Variants in IQCB1 observed in about 807,000 individuals in gnomAD.
IQCB1 encodes IQ motif containing B1.
A neutral mutation model predicts 84.4 loss-of-function variants in IQCB1; 56 were observed. That is an observed-to-expected ratio of 0.66 (90% CI 0.54 to 0.83). IQCB1 has a LOEUF of 0.83. Ranked by LOEUF, IQCB1 falls within the 40% of genes least tolerant of loss-of-function variation. IQCB1 has a pLI of 0.00. For synonymous variants in IQCB1, 210 were observed against 234.8 expected, an observed-to-expected ratio of 0.89 and a Z score of 0.96; for missense variants, 629 against 682.1, an observed-to-expected ratio of 0.92 and a Z score of 0.87.
intron 5 of IQCB1, among the ~76,000 whole-genome samples, chr3:121,820,657 T>C (rs1950238425): frequency 6.6e-6 from 1 of 152,210 alleles, no homozygotes; most frequent in Non-Finnish European, 1.5e-5. Flanking sequence ...GGCTTATCAC[T>C]TCTCTTAAAC....
At chr3:121,780,936 A>G (rs1295359146) in intron 13 of IQCB1, among the ~76,000 whole-genome samples, 1 of 152,174 alleles carries the variant, frequency 6.6e-6, no homozygotes, top group Admixed American at 6.5e-5. Context: ...CACAATCACA[A>G]CAAAACTCGT....
intron 12 of IQCB1, among the ~76,000 whole-genome samples, chr3:121,786,563 T>C (rs1426391512): frequency 6.6e-6 from 1 of 152,104 alleles, no homozygotes; most frequent in African/African-American, 2.4e-5. Context: ...TTTGACTTCA[T>C]CTTATTTTTA....
chr3:121,779,546 TATA>T (rs1229401835), intron 13 of IQCB1, among the ~76,000 whole-genome samples: 4 of 152,158 alleles, frequency 2.6e-5, no homozygotes, highest in Non-Finnish European at 4.4e-5. Flanking sequence ...AAAATACAGT[TATA>T]ATGACTGTTT....
chr3:121,795,230 T>C (rs916960636), intron 10 of IQCB1, among the ~76,000 whole-genome samples: 12 of 152,062 alleles, frequency 7.9e-5, no homozygotes, highest in Non-Finnish European at 1.5e-4. Context: ...AAATATCTTA[T>C]TAAGTGGATA....
chr3:121,778,032 C>G (rs952523259), intron 13 of IQCB1, among the ~76,000 whole-genome samples: 1 of 151,962 alleles, frequency 6.6e-6, no homozygotes, highest in Admixed American at 6.6e-5. Flanking sequence ...CTCAGTCTCC[C>G]AAGTAGCTGG....
At chr3:121,818,480 A>G (rs1030568510) in intron 5 of IQCB1, among the ~76,000 whole-genome samples, 3 of 152,226 alleles carry the variant, frequency 2.0e-5, no homozygotes, top group Non-Finnish European at 2.9e-5. Flanking sequence ...AAAAGAAGAG[A>G]GAAGCATGTA....
intron 2 of IQCB1, among the ~76,000 whole-genome samples, chr3:121,829,963 T>C (rs1241920771): frequency 1.3e-5 from 2 of 152,090 alleles, no homozygotes; most frequent in African/African-American, 2.4e-5. Flanking sequence ...TCCCAGCACT[T>C]TGGGAGGCCA....
chr3:121,771,262 G>A (rs942512223), intron 14 of IQCB1, among the ~76,000 whole-genome samples: 3 of 151,444 alleles, frequency 2.0e-5, no homozygotes, highest in Non-Finnish European at 4.4e-5. Flanking sequence ...GTGAGCCACC[G>A]TGCCCGGCCA....
At chr3:121,825,992 CAG>C in intron 5 of IQCB1, 57 bp downstream of exon 5, 1 of 1,456,524 alleles carries the variant, frequency 6.9e-7, no homozygotes, top group Non-Finnish European at 9.6e-7. Flanking sequence ...TAAAAAATAA[CAG>C]AACAGCTTCT....
rs1473595330 is a variant in IQCB1 at position 121,799,974 on chromosome 3, C to T, written c.588-600G>A. On this transcript the variant is annotated intron_variant, in intron 7 of 14. Coordinates refer to ENST00000310864, the MANE Select transcript of IQCB1 (RefSeq NM_001023570.4). ...TTAAGGAGTTATGTGATTTTCTAGG[C>T]GTATGTACCTCTGTTTAATTTTCTA... 4.6e-5 allele frequency among the ~76,000 whole-genome samples: 7 copies of T among 151,744 alleles called. No homozygotes were observed. The East Asian group carries it at 7.7e-4, about 17-fold the overall frequency.
chr3:121,807,796 G>C (rs1949665014), intron 6 of IQCB1, among the ~76,000 whole-genome samples: 1 of 151,848 alleles, frequency 6.6e-6, no homozygotes, highest in Admixed American at 6.6e-5. Flanking sequence ...CAGAATATAA[G>C]GAAACGGAAA....
intron 2 of IQCB1, chr3:121,834,170 A>G (rs1239681874): frequency 6.6e-6 from 1 of 152,240 alleles, no homozygotes; most frequent in Non-Finnish European, 1.5e-5. Flanking sequence ...TGAAGGAGAC[A>G]TAACCACCTA....
At chr3:121,833,495 A>C (rs1446692934) in intron 2 of IQCB1, among the ~76,000 whole-genome samples, 1 of 152,188 alleles carries the variant, frequency 6.6e-6, no homozygotes, top group Non-Finnish European at 1.5e-5. Flanking sequence ...CCGTAATAAA[A>C]CATCACTAAA....
chr3:121,814,562 T>TA (rs1949973426), intron 5 of IQCB1, among the ~76,000 whole-genome samples: 1 of 151,762 alleles, frequency 6.6e-6, no homozygotes, highest in South Asian at 2.1e-4. Context: ...ATAGACACAA[T>TA]AAAAAATGAT....
At chr3:121,807,619 C>T (rs1219237722) in intron 6 of IQCB1, among the ~76,000 whole-genome samples, 176 bp from the exon 7 acceptor site, 1 of 151,746 alleles carries the variant, frequency 6.6e-6, no homozygotes, top group African/African-American at 2.4e-5. Context: ...TTTTAAATAG[C>T]GATAAATAAG....
At chr3:121,774,703 A>T (rs11717742) in intron 13 of IQCB1, among the ~76,000 whole-genome samples, 1 of 152,176 alleles carries the variant, frequency 6.6e-6, no homozygotes, top group Non-Finnish European at 1.5e-5. Context: ...ATTCATGGAG[A>T]CAGAAAGTAG....
chr3:121,798,672 T>A (rs1246427475), intron 8 of IQCB1, among the ~76,000 whole-genome samples: 1 of 151,974 alleles, frequency 6.6e-6, no homozygotes, highest in South Asian at 2.1e-4. Flanking sequence ...AAAGCTATTA[T>A]ATGAGAATGT....
At position 121,828,976 on chromosome 3, in the gene IQCB1, T is replaced by A. The variant is rs760242984; in HGVS notation, c.-12-4A>T. Reference sequence around the variant, plus strand: ...TTGGCTTCATTTCTCTTATTACCTATATTTTAACAGAATCAGAGAATAAAG... The same window carrying A: ...TTGGCTTCATTTCTCTTATTACCTAAATTTTAACAGAATCAGAGAATAAAG... On this transcript the variant is annotated splice_region_variant and splice_polypyrimidine_tract_variant and intron_variant, in intron 2 of 14. Transcript: ENST00000310864. 1.0e-5 allele frequency: 15 copies of A among 1,473,934 alleles called. No individual in the cohort carries two copies. The African/African-American group carries it at 1.9e-4, about 19-fold the overall frequency. 91.3% of individuals were successfully genotyped at this position (1,473,934 alleles called of 1,614,324 possible). A position where few individuals can be genotyped will look rare whatever the true frequency, so the allele number is the denominator to read the frequency against.
At chr3:121,822,559 C>T (rs116405920) in intron 5 of IQCB1, among the ~76,000 whole-genome samples, 1 of 152,280 alleles carries the variant, frequency 6.6e-6, no homozygotes, top group Non-Finnish European at 1.5e-5. Context: ...GAAGAATCTA[C>T]AGCTGAAAGG....
Sources: gnomAD v4.1 joint callset for allele counts (sites outside exome capture counted in the v4.1 genomes callset) on GRCh38, gnomAD v4.1.1 for gene constraint, MANE v1.5 for transcripts, NCBI Gene and HGNC (gene_info 2026-07-23, HGNC 2026-07-21) for gene names.